Variants in NF1 observed in about 807,000 individuals in gnomAD.
The protein encoded by NF1 is neurofibromin.
A neutral mutation model predicts 325.7 loss-of-function variants in NF1; 122 were observed. That is an observed-to-expected ratio of 0.37 (90% CI 0.32 to 0.44). NF1 has a LOEUF of 0.44. Among genes scored for constraint, NF1 ranks in the 20% least tolerant of loss-of-function variants. The probability of loss-of-function intolerance (pLI) is 1.00; values close to 1 mark genes in which losing one functional copy is unlikely to be tolerated. For synonymous variants in NF1, 1,091 were observed against 1,186.0 expected (o/e 0.92, Z 1.65); for missense variants, 2,140 against 3,415.4 (o/e 0.63, Z 9.31).
Position 31,336,596 on chromosome 17 carries a change from GTTTT to G in NF1, c.6148-31_6148-28del, listed in dbSNP as rs398100472. On this transcript the variant is annotated intron_variant, in intron 41 of 57. Coordinates refer to ENST00000358273, the MANE Select transcript of NF1 (RefSeq NM_001042492.3). This position sits in a 1 kb window ranked among gnomAD's most constrained non-coding sequence, Gnocchi z 5.5. ...TTTGTGCTAAAACTTTGAGTCCCAT[GTTTT>G]TTTTTTTAAAAAAAAAAATCCTGCT... 43 of 1,178,990 alleles carry G rather than the reference GTTTT, an allele frequency of 3.6e-5. No homozygotes were observed. The highest frequency in any genetic ancestry group is 4.9e-5 in the Non-Finnish European group (43 of 868,846). 73.0% of individuals were successfully genotyped at this position (1,178,990 alleles called of 1,614,324 possible).
At chr17:31,295,595 T>G in intron 36 of NF1, 1 of 1,614,162 alleles carries the variant, frequency 6.2e-7, no homozygotes, top group Non-Finnish European at 8.5e-7. Context: ...CACATGGGCT[T>G]TTGTTTCCAT....
chr17:31,334,162 G>A (rs1204264128), intron 39 of NF1, among the ~76,000 whole-genome samples: 6 of 151,278 alleles, frequency 4.0e-5, no homozygotes, highest in Non-Finnish European at 7.4e-5. Flanking sequence ...GGTGGTGGGC[G>A]CCTGTAGTCC....
intron 36 of NF1, chr17:31,321,548 T>C (rs2069193413): frequency 6.6e-6 from 1 of 152,174 alleles, no homozygotes; most frequent in Non-Finnish European, 1.5e-5. Context: ...ATAAACCACT[T>C]CTTTTCTTGT....
At chr17:31,367,804 C>T (rs963568098) in intron 57 of NF1, among the ~76,000 whole-genome samples, 52 of 152,060 alleles carry the variant, frequency 3.4e-4, no homozygotes, top group Admixed American at 2.6e-3. Context: ...GAGTTGAAAA[C>T]CAGCCTGGGT....
chr17:31,243,213 T>TGTGTGTGTGTGTGTGTGTGTGTGTG (rs57229549), intron 29 of NF1, among the ~76,000 whole-genome samples: 46 of 150,944 alleles, frequency 3.0e-4, no homozygotes, highest in Non-Finnish European at 5.0e-4. Flanking sequence ...TGTGTGTGTG[T>TGTGTGTGTGTGTGTGTGTGTGTGTG]TGAGCTGCCT....
intron 12 of NF1, among the ~76,000 whole-genome samples, chr17:31,212,883 G>A (rs968910715): frequency 1.3e-5 from 2 of 152,010 alleles, no homozygotes; most frequent in South Asian, 4.1e-4. Flanking sequence ...TGGACATCAC[G>A]ATGGCTATGA....
intron 36 of NF1, among the ~76,000 whole-genome samples, chr17:31,288,530 T>G (rs1861802143): frequency 4.0e-5 from 2 of 49,704 alleles, no homozygotes; most frequent in African/African-American, 2.9e-4. Context: ...TTGTTTTTTT[T>G]TTTTTTTTTT....
Position 31,264,510 on chromosome 17 carries a change from G to A in NF1, c.4725-719G>A, listed in dbSNP as rs371583914. ...ACAGATAAATGGAAAATATGAAAGA[G>A]GTTAGGAGATGCAGAAGATAAAATG... On this transcript the variant is annotated intron_variant, in intron 35 of 57. Coordinates refer to ENST00000358273, the MANE Select transcript of NF1 (RefSeq NM_001042492.3). 3.6e-4 allele frequency among the ~76,000 whole-genome samples: 55 copies of A among 152,244 alleles called. No individual in the cohort carries two copies. The East Asian group carries it at 0.01, about 28-fold the overall frequency.
chr17:31,324,122 C>T (rs2069283231), intron 36 of NF1, among the ~76,000 whole-genome samples: 1 of 152,110 alleles, frequency 6.6e-6, no homozygotes, highest in Non-Finnish European at 1.5e-5. Flanking sequence ...GGCTGGAGTG[C>T]AGTGGCACAA....
rs2151553880 is a variant in NF1 at position 31,336,542 on chromosome 17, G to C, written c.6147+69G>C. On this transcript the variant is annotated intron_variant, in intron 41 of 57. Transcript: ENST00000358273. This position sits in a 1 kb window ranked among gnomAD's most constrained non-coding sequence, Gnocchi z 5.5. ...TTATCATCAGGAGGTTTTTTGTTTT[G>C]TAATTACTTTTAAATTAAACTGAAC... 1 of 1,601,304 alleles carries C rather than the reference G, an allele frequency of 6.2e-7. No individual in the cohort carries two copies. The highest frequency in any genetic ancestry group is 1.1e-5 in the South Asian group (1 of 89,804).
chr17:31,098,509 C>T (rs535782771), intron 1 of NF1, among the ~76,000 whole-genome samples: 29 of 152,150 alleles, frequency 1.9e-4, no homozygotes, highest in East Asian at 1.6e-3. Flanking sequence ...GGATTACAGG[C>T]GCCTGCCACC....
intron 8 of NF1, among the ~76,000 whole-genome samples, chr17:31,191,166 A>G (rs1428012794): frequency 6.6e-6 from 1 of 152,248 alleles, no homozygotes; most frequent in Admixed American, 6.5e-5. Context: ...GGTTAGGAAC[A>G]AGAATATGTG....
chr17:31,367,453 G>A (rs574004377), intron 57 of NF1, among the ~76,000 whole-genome samples: 20 of 152,178 alleles, frequency 1.3e-4, no homozygotes, highest in African/African-American at 4.8e-4. Context: ...GGAATTGCAC[G>A]GCCAGTGTGT....
At chr17:31,110,525 A>G (rs529973323) in intron 1 of NF1, among the ~76,000 whole-genome samples, 3 of 152,314 alleles carry the variant, frequency 2.0e-5, no homozygotes, top group South Asian at 4.1e-4. Flanking sequence ...GAGGAGATAT[A>G]TTCTGGGGTT....
At chr17:31,294,340 T>G (rs892135573) in intron 36 of NF1, among the ~76,000 whole-genome samples, 4 of 152,234 alleles carry the variant, frequency 2.6e-5, no homozygotes, top group Non-Finnish European at 5.9e-5. Flanking sequence ...CTTATTAAAA[T>G]GCAAAGCCTA....
intron 29 of NF1, among the ~76,000 whole-genome samples, chr17:31,247,482 A>T (rs1471250466): frequency 6.6e-6 from 1 of 152,220 alleles, no homozygotes; most frequent in African/African-American, 2.4e-5. Context: ...AAAATATCTA[A>T]AAGCATGTCT....
At chr17:31,213,033 T>C (rs2143950561) in intron 12 of NF1, among the ~76,000 whole-genome samples, 1 of 152,366 alleles carries the variant, frequency 6.6e-6, no homozygotes, top group Admixed American at 6.5e-5. Flanking sequence ...CATTGTTCTC[T>C]GATCTTGTGT....
intron 52 of NF1, 43 bp downstream of exon 52, chr17:31,356,625 G>A (rs375444259): frequency 6.2e-7 from 1 of 1,610,746 alleles, no homozygotes; most frequent in Non-Finnish European, 8.5e-7. Flanking sequence ...AAATAAGGTG[G>A]GAGAGTACAT....
chr17:31,178,266 C>CT, intron 5 of NF1, among the ~76,000 whole-genome samples: 1 of 152,270 alleles, frequency 6.6e-6, no homozygotes. Context: ...TCCAGGCAAA[C>CT]TAAGCTTCAT....
Sources: allele counts gnomAD v4.1 joint callset (sites outside exome capture counted in the v4.1 genomes callset), GRCh38; gene constraint gnomAD v4.1.1; non-coding constraint Gnocchi (gnomAD v3.1); transcripts MANE v1.5; gene names NCBI Gene and HGNC (gene_info 2026-07-23, HGNC 2026-07-21).